Variants in ZNF665 observed in about 807,000 individuals in gnomAD.
ZNF665 encodes the protein zinc finger protein 665.
A neutral mutation model predicts 7.9 loss-of-function variants in ZNF665; 6 were observed. That is an observed-to-expected ratio of 0.76 (90% confidence interval 0.42 to 1.50). The LOEUF (loss-of-function observed/expected upper bound fraction) is 1.50. ZNF665 is among the 40% of genes most tolerant of loss of function. ZNF665 has a pLI of 0.01. For synonymous variants in ZNF665, 242 were observed against 274.5 expected, an observed-to-expected ratio of 0.88 and a Z score of 1.17; for missense variants, 819 against 806.7, an observed-to-expected ratio of 1.02 and a Z score of -0.18.
chr19:53,189,244 C>T (rs927909679), intron 1 of ZNF665, among the ~76,000 whole-genome samples: 1 of 151,942 alleles, frequency 6.6e-6, no homozygotes, highest in East Asian at 1.9e-4. Flanking sequence ...GTGGGTCTCT[C>T]CCCGTGTGCA....
Position 53,182,891 on chromosome 19 carries a change from A to G in ZNF665, c.8T>C (p.Leu3Pro). 6.2e-7 allele frequency: 1 copy of G among 1,612,116 alleles called. No individual in the cohort carries two copies. Among genetic ancestry groups the G allele is most frequent in the Middle Eastern group, 1.6e-4 (1 of 6,062 alleles). Residue 3 changes from leucine to proline, a missense_variant, in exon 2 of 4, where the codon CTT becomes CCT. Coordinates refer to ENST00000396424, the MANE Select transcript of ZNF665 (RefSeq NM_024733.5). ...CCGAGAATATCATCTCACCTGAGGAAGAGCCATCCCTGACTCCTTTGCCTT... is the reference window on the plus strand; with the variant it reads ...CCGAGAATATCATCTCACCTGAGGAGGAGCCATCCCTGACTCCTTTGCCTT... Reference protein sequence around the residue: MALPQGQLTFKDV... With the variant: MAPPQGQLTFKDV...
At chr19:53,179,109 CATGCCTGTAA>C (rs2090718123) in intron 2 of ZNF665, among the ~76,000 whole-genome samples, 1 of 151,956 alleles carries the variant, frequency 6.6e-6, no homozygotes, top group Non-Finnish European at 1.5e-5. Context: ...CACAGTGGCT[CATGCCTGTAA>C]TCCCAGCACT....
At chr19:53,192,324 CCTT>C (rs1374546617) in intron 1 of ZNF665, among the ~76,000 whole-genome samples, 7 of 152,112 alleles carry the variant, frequency 4.6e-5, no homozygotes, top group African/African-American at 1.4e-4. Context: ...CCTCTGCTCT[CCTT>C]GTCACCAGCT....
chr19:53,190,305 A>C (rs2090807590), intron 1 of ZNF665: 1 of 152,156 alleles, frequency 6.6e-6, no homozygotes, highest in Admixed American at 6.6e-5. Flanking sequence ...GGCCCGTTGG[A>C]GAGCTCTTCC....
chr19:53,192,465 CAGCG>C (rs1222964024), intron 1 of ZNF665, among the ~76,000 whole-genome samples: 3 of 152,222 alleles, frequency 2.0e-5, no homozygotes. Flanking sequence ...TCTCTCTAGA[CAGCG>C]AGCTTTTCTC....
rs547471135 is a variant in ZNF665, at chr19:53,192,821, AG to A, written c.-46+490del. On this transcript the variant is annotated intron_variant, in intron 1 of 3. Transcript: ENST00000396424. Reference sequence around the variant, plus strand: ...GGCTCAGGGGAAACGGTGACTGCGAAGGGGAGGCCTAGGGAGCAGCAGGGCC... The same window carrying A: ...GGCTCAGGGGAAACGGTGACTGCGAAGGGAGGCCTAGGGAGCAGCAGGGCC... Among the ~76,000 whole-genome samples, 234 of 152,106 alleles carry A rather than the reference AG, an allele frequency of 1.5e-3. 1 individual carries two copies. The highest frequency in any genetic ancestry group is 5.4e-3 in the African/African-American group (226 of 41,504).
chr19:53,189,051 C>CTGTGTGTGTGTCTGTGTGTGTGTGTGTG (rs757222280), intron 1 of ZNF665, among the ~76,000 whole-genome samples: 30 of 137,752 alleles, frequency 2.2e-4, no homozygotes, highest in African/African-American at 7.6e-4. Flanking sequence ...GCTTTATTTT[C>CTGTGTGTGTGTCTGTGTGTGTGTGTGTG]TGTGTGTGTG....
At chr19:53,184,626 G>A (rs1344842456) in intron 1 of ZNF665, among the ~76,000 whole-genome samples, 1 of 152,182 alleles carries the variant, frequency 6.6e-6, no homozygotes, top group Admixed American at 6.5e-5. Context: ...GGCATGGGTT[G>A]TAGGGTCCGG....
intron 1 of ZNF665, among the ~76,000 whole-genome samples, chr19:53,185,724 G>A (rs572990682): frequency 2.6e-5 from 4 of 152,044 alleles, no homozygotes; most frequent in South Asian, 2.1e-4. Context: ...AGAGGAAAGC[G>A]TGACGTGATC....
chr19:53,187,128 G>T (rs1344058410), intron 1 of ZNF665, among the ~76,000 whole-genome samples: 1 of 25,720 alleles, frequency 3.9e-5, no homozygotes, highest in Non-Finnish European at 7.9e-5. Context: ...CCTCCCGGAC[G>T]GGGCGGCTGG....
rs578128783 is a variant in ZNF665 at position 53,168,740 on chromosome 19, C to A, written c.143-2393G>T. 2.3e-4 allele frequency among the ~76,000 whole-genome samples: 35 copies of A among 152,076 alleles called. 1 individual carries two copies. The East Asian group carries it at 5.0e-3, about 22-fold the overall frequency. On this transcript the variant is annotated intron_variant, in intron 3 of 3. Coordinates refer to ENST00000396424, the MANE Select transcript of ZNF665 (RefSeq NM_024733.5). ...GACAGTGTGATTATTGTTGATTAGA[C>A]AAATATCAAATAGATCAATGGAATG... is the stretch of plus-strand genomic sequence containing the variant.
intron 1 of ZNF665, among the ~76,000 whole-genome samples, chr19:53,189,051 C>CTGTGTGTGTGTGTG (rs60689265): frequency 0.036 from 5,017 of 137,520 alleles, 151 homozygotes; most frequent in East Asian, 0.092. Context: ...GCTTTATTTT[C>CTGTGTGTGTGTGTG]TGTGTGTGTG....
chr19:53,165,920 GT>G lies in ZNF665; in HGVS notation c.569del (p.Asn190ThrfsTer4), dbSNP rs757894617. 1.1e-5 allele frequency: 18 copies of G among 1,613,968 alleles called. No individual in the cohort carries two copies. Among genetic ancestry groups the G allele is most frequent in the Non-Finnish European group, 1.4e-5 (17 of 1,179,988 alleles). On this transcript the variant is annotated frameshift_variant, in exon 4 of 4. Coordinates refer to ENST00000396424, the MANE Select transcript of ZNF665 (RefSeq NM_024733.5). LOFTEE classifies it low-confidence loss of function (END_TRUNC). The part of the protein sequence containing the change: ...CDECGKVFSQ[N>X]SRLTSHKRIH... Reference sequence around the variant, plus strand: ...TTCTCTTATGACTTGTTAGCCGTGAGTTTTGACTGAAGACCTTGCCACATTC... The same window carrying G: ...TTCTCTTATGACTTGTTAGCCGTGAGTTTGACTGAAGACCTTGCCACATTC...
chr19:53,171,518 A>ATTTTT (rs1172016285), intron 3 of ZNF665, among the ~76,000 whole-genome samples: 9 of 82,788 alleles, frequency 1.1e-4, no homozygotes, highest in African/African-American at 3.5e-4. Context: ...ATATATATAT[A>ATTTTT]TATATATTTT....
chr19:53,184,546 G>T (rs2090762351), intron 1 of ZNF665, among the ~76,000 whole-genome samples: 1 of 152,140 alleles, frequency 6.6e-6, no homozygotes, highest in African/African-American at 2.4e-5. Flanking sequence ...CAGTGTTCAA[G>T]GGAGAAGTCT....
At chr19:53,176,022 A>C (rs1409550149) in intron 2 of ZNF665, among the ~76,000 whole-genome samples, 1 of 152,110 alleles carries the variant, frequency 6.6e-6, no homozygotes, top group Non-Finnish European at 1.5e-5. Flanking sequence ...TTAGCCGGGC[A>C]TGGTGGTGCG....
Position 53,165,752 on chromosome 19 carries a change from A to G in ZNF665, c.738T>C (p.Pro246=), listed in dbSNP as rs1445829731. ...TTCTCTGATGACCTGCAAGGTTTGA[A>G]GGTTGACTGAAGACCTTTCCACATT... ...CNECGKVFSQ[P]SNLAGHQRIH... is the part of the protein sequence containing the mutation. The change falls in exon 4 of 4, where the codon CCT becomes CCC. Residue 246 remains proline, a synonymous_variant. Coordinates refer to ENST00000396424, the MANE Select transcript of ZNF665 (RefSeq NM_024733.5). The G allele has an allele frequency of 3.7e-6, 6 of 1,613,776 alleles. No homozygotes were observed. Among genetic ancestry groups the G allele is most frequent in the Non-Finnish European group, 5.1e-6 (6 of 1,179,962 alleles).
intron 1 of ZNF665, among the ~76,000 whole-genome samples, chr19:53,185,475 T>G (rs1167275752): frequency 6.6e-6 from 1 of 152,054 alleles, no homozygotes; most frequent in African/African-American, 2.4e-5. Context: ...GGATAAAGGG[T>G]AACTGCTACA....
rs2090585921 is a variant in ZNF665, at chr19:53,164,306, T to G, written c.*147A>C. 2 of 615,928 alleles carry G rather than the reference T, an allele frequency of 3.2e-6. No individual in the cohort carries two copies. The highest frequency in any genetic ancestry group is 5.4e-6 in the Non-Finnish European group (2 of 371,838). The allele number at this position is 615,928 out of a possible 1,614,324, so 38.2% of individuals were successfully genotyped here. A position where few individuals can be genotyped will look rare whatever the true frequency, so the allele number is the denominator to read the frequency against. Reference sequence around the variant, plus strand: ...GCGTGCACCACCACACCCAGCTAATTTTTGTATTTTTAGTAGAGACAGCGT... The same window carrying G: ...GCGTGCACCACCACACCCAGCTAATGTTTGTATTTTTAGTAGAGACAGCGT... On this transcript the variant is annotated 3_prime_UTR_variant, in exon 4 of 4. Coordinates refer to ENST00000396424, the MANE Select transcript of ZNF665 (RefSeq NM_024733.5).
Sources: gnomAD v4.1 joint callset for allele counts (sites outside exome capture counted in the v4.1 genomes callset) on GRCh38, gnomAD v4.1.1 for gene constraint, MANE v1.5 for transcripts, NCBI Gene and HGNC (gene_info 2026-07-23, HGNC 2026-07-21) for gene names.